The following UMODL1 variants were observed in gnomAD, a reference collection of about 807,000 sequenced individuals.
UMODL1 encodes uromodulin like 1, also known as uromodulin-like 1.
UMODL1 carries 128 observed loss-of-function variants against 136.3 expected under a neutral mutation model. The observed-to-expected ratio is 0.94, with a 90% CI of 0.81 to 1.09. The LOEUF (loss-of-function observed/expected upper bound fraction) is 1.09. UMODL1 is among the 50% of genes least tolerant of loss of function. The pLI, the probability that UMODL1 is intolerant of heterozygous loss-of-function variation, is 0.00. For missense variants in UMODL1, 1,766 were observed against 1,725.6 expected, an observed-to-expected ratio of 1.02 and a Z score of -0.41; for synonymous variants, 721 against 720.0, an observed-to-expected ratio of 1.00 and a Z score of -0.02.
chr21:42,118,321 T>C (rs1249300525), intron 14 of UMODL1, among the ~76,000 whole-genome samples: 1 of 152,236 alleles, frequency 6.6e-6, no homozygotes, highest in African/African-American at 2.4e-5. Flanking sequence ...CTGTTCACCT[T>C]GGTGGCCCAG....
At chr21:42,125,288 T>G (rs2067036935) in intron 17 of UMODL1, among the ~76,000 whole-genome samples, 1 of 151,366 alleles carries the variant, frequency 6.6e-6, no homozygotes, top group Non-Finnish European at 1.5e-5. Context: ...GGTGGGGAGG[T>G]GGGGCATAAG....
In UMODL1 at chr21:42,096,086, G is replaced by A. The variant is rs374156529; in HGVS notation, c.932-2840G>A. Reference sequence around the variant, plus strand: ...CCCTCAGTGTTTATGGTGATGCTGGGTGCATAGTAGAAGCTCAATTAAAAA... The same window carrying A: ...CCCTCAGTGTTTATGGTGATGCTGGATGCATAGTAGAAGCTCAATTAAAAA... On this transcript the variant is annotated intron_variant, in intron 6 of 22. Transcript: ENST00000408910. Among the ~76,000 whole-genome samples the A allele has an allele frequency of 1.1e-4, 16 of 152,202 alleles. 3 individuals carry two copies. Among genetic ancestry groups the A allele is most frequent in the Admixed American group, 2.0e-4 (3 of 15,278 alleles).
At chr21:42,138,865 G>A (rs59342363) in intron 22 of UMODL1, among the ~76,000 whole-genome samples, 27,898 of 152,064 alleles carry the variant, frequency 0.18, 2,615 homozygotes, top group South Asian at 0.3. Flanking sequence ...GTGAGCCACC[G>A]TGCCCGGCCA....
intron 1 of UMODL1, among the ~76,000 whole-genome samples, chr21:42,072,866 G>A (rs887087682): frequency 6.6e-6 from 1 of 152,238 alleles, no homozygotes; most frequent in Non-Finnish European, 1.5e-5. Context: ...GGCCCTTGTG[G>A]GTCTTTGCGG....
At chr21:42,088,145 G>A in intron 4 of UMODL1, 149 bp from the exon 5 acceptor site, 1 of 740,780 alleles carries the variant, frequency 1.3e-6, no homozygotes. Context: ...GGATAGTGAT[G>A]GATAGATAAG....
intron 13 of UMODL1, among the ~76,000 whole-genome samples, chr21:42,114,339 A>G (rs549925523): frequency 6.6e-6 from 1 of 152,400 alleles, no homozygotes; most frequent in African/African-American, 2.4e-5. Context: ...CCAGCTGGAC[A>G]GTGACAATAT....
chr21:42,127,434 G>A (rs935719387), intron 19 of UMODL1, among the ~76,000 whole-genome samples, 192 bp downstream of exon 19: 1 of 152,190 alleles, frequency 6.6e-6, no homozygotes, highest in African/African-American at 2.4e-5. Context: ...TAGGGCTCAA[G>A]CAGGCACTGC....
At chr21:42,082,672 C>G (rs2066375858) in intron 2 of UMODL1, among the ~76,000 whole-genome samples, 1 of 152,182 alleles carries the variant, frequency 6.6e-6, no homozygotes, top group South Asian at 2.1e-4. Flanking sequence ...ATCTTCTCAG[C>G]TTCCTTCCGT....
chr21:42,075,870 G>A, intron 1 of UMODL1, 135 bp from the exon 2 acceptor site: 2 of 1,315,094 alleles, frequency 1.5e-6, no homozygotes, highest in South Asian at 1.3e-5. Flanking sequence ...GGGCTGGTGG[G>A]CAGCTTCTGA....
At chr21:42,134,127 G>A (rs2067171404) in intron 21 of UMODL1, among the ~76,000 whole-genome samples, 1 of 152,150 alleles carries the variant, frequency 6.6e-6, no homozygotes, top group South Asian at 2.1e-4. Context: ...CACCATGTTG[G>A]CCAGGATGGT....
rs1453812493 is a variant in UMODL1 at position 42,122,926 on chromosome 21, A to AC, written c.2929dup (p.Gln977ProfsTer18). ...TGCCTTTGTGCAAGGCACCAGCCCC[A>AC]CCCCCCAAGGCCTGCCCCAGCGGCT... On this transcript the variant is annotated frameshift_variant, in exon 17 of 23. Coordinates refer to ENST00000408910, the MANE Select transcript of UMODL1 (RefSeq NM_001004416.3). LOFTEE classifies it high-confidence loss of function. The surrounding 1 kb of genome is among the most constrained non-coding windows in gnomAD (Gnocchi z 4.3). The AC allele has an allele frequency of 3.7e-6, 6 of 1,613,218 alleles. No individual in the cohort carries two copies. The highest frequency in any genetic ancestry group is 2.5e-6 in the Non-Finnish European group (3 of 1,179,888).
At chr21:42,119,762 A>G (rs2066945920) in intron 15 of UMODL1, among the ~76,000 whole-genome samples, 1 of 152,250 alleles carries the variant, frequency 6.6e-6, no homozygotes, top group African/African-American at 2.4e-5. Context: ...TAAATGATGA[A>G]TGGCTTATAG....
chr21:42,105,403 G>T (rs2066701006), intron 9 of UMODL1, among the ~76,000 whole-genome samples: 1 of 152,124 alleles, frequency 6.6e-6, no homozygotes, highest in Admixed American at 6.5e-5. Flanking sequence ...GGGCTCAGGC[G>T]ATTCCAGATC....
At position 42,127,142 on chromosome 21, in the gene UMODL1, T is replaced by C. The variant is rs749127144; in HGVS notation, c.3430T>C (p.Tyr1144His). The C allele has an allele frequency of 3.1e-5, 50 of 1,614,194 alleles. No individual in the cohort carries two copies. Among genetic ancestry groups the C allele is most frequent in the Non-Finnish European group, 4.1e-5 (48 of 1,180,040 alleles). The change falls in exon 19 of 23, where the codon TAC becomes CAC. Residue 1144 changes from tyrosine (Y) to histidine (H), a missense_variant. By Grantham distance (83) the Tyr-to-His change is moderately conservative. Coordinates refer to ENST00000408910, the MANE Select transcript of UMODL1 (RefSeq NM_001004416.3). ...SDDVRIEVGL[Y>H]RQKSNLKVVL... Reference sequence around the variant, plus strand: ...CGATGTCAGGATCGAAGTGGGGCTCTACAGGCAGAAAAGCAACCTCAAGGT... The same window carrying C: ...CGATGTCAGGATCGAAGTGGGGCTCCACAGGCAGAAAAGCAACCTCAAGGT...
intron 21 of UMODL1, among the ~76,000 whole-genome samples, chr21:42,133,923 G>C (rs1404390345): frequency 7.6e-6 from 1 of 131,200 alleles, no homozygotes; most frequent in Non-Finnish European, 1.7e-5. Flanking sequence ...GTTTTGTTTC[G>C]TTTTGTTTTG....
intron 21 of UMODL1, among the ~76,000 whole-genome samples, chr21:42,134,292 G>A (rs1325368347): frequency 2.0e-5 from 3 of 152,228 alleles, no homozygotes; most frequent in East Asian, 3.8e-4. Context: ...TTCCCTGAAT[G>A]TCTGCCACCA....
At chr21:42,105,761 G>A (rs1302785166) in intron 9 of UMODL1, among the ~76,000 whole-genome samples, 1 of 152,196 alleles carries the variant, frequency 6.6e-6, no homozygotes, top group Non-Finnish European at 1.5e-5. Flanking sequence ...AGGGAGGGCG[G>A]CCCTGCTGAC....
intron 5 of UMODL1, 111 bp from the exon 6 acceptor site, chr21:42,090,187 C>T (rs751550642): frequency 2.2e-5 from 33 of 1,472,882 alleles, no homozygotes; most frequent in Middle Eastern, 2.1e-4. Context: ...CCTCAACCGA[C>T]GTGGCACAAA....
Position 42,137,515 on chromosome 21 carries a change from G to A in UMODL1, c.3852G>A (p.Val1284=). 6.2e-7 allele frequency: 1 copy of A among 1,614,232 alleles called. No individual in the cohort carries two copies. Among genetic ancestry groups the A allele is most frequent in the Non-Finnish European group, 8.5e-7 (1 of 1,180,038 alleles). Reference sequence around the variant, plus strand: ...TTGTGGTGGCCATCTTCGTGCTGGTGGCGGGAACAGCCACCCTTCTGATCG... The same window carrying A: ...TTGTGGTGGCCATCTTCGTGCTGGTAGCGGGAACAGCCACCCTTCTGATCG... ...VLIVVAIFVL[V]AGTATLLIVR... Residue 1284 remains valine, a synonymous_variant, in exon 22 of 23, where the codon GTG becomes GTA. Coordinates refer to ENST00000408910, the MANE Select transcript of UMODL1 (RefSeq NM_001004416.3).
Sources: allele counts gnomAD v4.1 joint callset (sites outside exome capture counted in the v4.1 genomes callset), GRCh38; gene constraint gnomAD v4.1.1; non-coding constraint Gnocchi (gnomAD v3.1); transcripts MANE v1.5; gene names NCBI Gene and HGNC (gene_info 2026-07-23, HGNC 2026-07-21).